KLHL6: variants seen among roughly 807,000 people sequenced by gnomAD.
The protein encoded by KLHL6 is kelch like family member 6, also known as kelch-like protein 6.
KLHL6 carries 41 observed loss-of-function variants against 58.6 expected under a neutral mutation model. That is an observed-to-expected ratio of 0.70 (90% CI 0.55 to 0.91). The LOEUF is 0.91. Ranked by LOEUF, KLHL6 falls within the 40% of genes least tolerant of loss-of-function variation. The pLI is 0.00. For missense variants in KLHL6, 714 were observed against 805.6 expected (o/e 0.89, Z 1.38); for synonymous variants, 338 against 322.7 (o/e 1.05, Z -0.51).
intron 1 of KLHL6, among the ~76,000 whole-genome samples, chr3:183,554,278 A>T (rs1713031017): frequency 6.6e-6 from 1 of 152,172 alleles, no homozygotes; most frequent in Admixed American, 6.5e-5. Flanking sequence ...AGTCATCCTT[A>T]GCTGAATCAA....
chr3:183,551,031 G>A (rs940451918), intron 1 of KLHL6, among the ~76,000 whole-genome samples: 3 of 150,538 alleles, frequency 2.0e-5, no homozygotes, highest in South Asian at 2.1e-4. Context: ...TGAGGCAGGA[G>A]AATGGCATGA....
rs565077509 is a variant in KLHL6 at position 183,492,521 on chromosome 3, T to A, written c.1537A>T (p.Ser513Cys). ...PVEAKCINAV[S>C]FRDRIYVVGG... ...ACGACATAGATGCGGTCCCGGAAAC[T>A]CACTGCATTGATGCATTTAGCCTCC... is the stretch of plus-strand genomic sequence containing the variant. The change falls in exon 6 of 7, where the codon AGT becomes TGT. Residue 513 changes from serine to cysteine, a missense_variant. Physicochemically the swap from Ser to Cys is moderately radical, Grantham distance 112. Coordinates refer to ENST00000341319, the MANE Select transcript of KLHL6 (RefSeq NM_130446.4). The surrounding 1 kb of genome is among the most constrained non-coding windows in gnomAD (Gnocchi z 5.9). The A allele has an allele frequency of 1.9e-6, 3 of 1,614,198 alleles. No individual in the cohort carries two copies. In the African/African-American group the frequency reaches 4.0e-5, roughly 22 times the overall value.
At chr3:183,506,690 T>A (rs1280960090) in intron 3 of KLHL6, among the ~76,000 whole-genome samples, 1 of 151,944 alleles carries the variant, frequency 6.6e-6, no homozygotes, top group Admixed American at 6.6e-5. Flanking sequence ...TAGCCGGGTG[T>A]GGTAGCACAT....
Position 183,499,339 on chromosome 3 carries a change from CTG to C in KLHL6, c.1147+249_1147+250del, listed in dbSNP as rs1451673828. Among the ~76,000 whole-genome samples the C allele has an allele frequency of 3.0e-5, 4 of 133,504 alleles. No individual in the cohort carries two copies. In the Admixed American group the frequency reaches 3.0e-4, roughly 10 times the overall value. 87.6% of individuals were successfully genotyped at this position (133,504 alleles called of 152,430 possible). A position where few individuals can be genotyped will look rare whatever the true frequency, so the allele number is the denominator to read the frequency against. ...CCAGCCTGAGCAACAGAGCGAGACGCTGTCTCAAAAAAAAAAGAAAAGAAAAG... is the reference window on the plus strand; with the variant it reads ...CCAGCCTGAGCAACAGAGCGAGACGCTCTCAAAAAAAAAAGAAAAGAAAAG... On this transcript the variant is annotated intron_variant, in intron 4 of 6. Coordinates refer to ENST00000341319, the MANE Select transcript of KLHL6 (RefSeq NM_130446.4). The surrounding 1 kb of genome is among the most constrained non-coding windows in gnomAD (Gnocchi z 4.6).
chr3:183,510,286 G>T (rs1379737363), intron 2 of KLHL6, among the ~76,000 whole-genome samples: 1 of 147,088 alleles, frequency 6.8e-6, no homozygotes, highest in African/African-American at 2.5e-5. Context: ...GAAAGGGGAG[G>T]CTGAGGGGGC....
intron 2 of KLHL6, chr3:183,523,257 A>G (rs1183997147): frequency 1.3e-5 from 2 of 152,312 alleles, no homozygotes; most frequent in African/African-American, 4.8e-5. Context: ...GAGCCAACCC[A>G]GGCCATCAAG....
At chr3:183,512,313 A>T (rs1262826066) in intron 2 of KLHL6, among the ~76,000 whole-genome samples, 3 of 152,230 alleles carry the variant, frequency 2.0e-5, no homozygotes, top group African/African-American at 7.2e-5. Context: ...CTGGGAGGCC[A>T]CATAAGACCT....
At chr3:183,545,280 G>C (rs147040413) in intron 1 of KLHL6, among the ~76,000 whole-genome samples, 1 of 152,190 alleles carries the variant, frequency 6.6e-6, no homozygotes, top group African/African-American at 2.4e-5. Flanking sequence ...TGGATGTTGC[G>C]CTCATGGCAG....
chr3:183,550,570 G>A (rs1051299246), intron 1 of KLHL6, among the ~76,000 whole-genome samples: 1 of 152,084 alleles, frequency 6.6e-6, no homozygotes, highest in Non-Finnish European at 1.5e-5. Flanking sequence ...GGAGGTGGGT[G>A]GATCACCTGA....
intron 2 of KLHL6, among the ~76,000 whole-genome samples, chr3:183,518,927 G>A (rs947267638): frequency 2.6e-5 from 4 of 152,150 alleles, no homozygotes; most frequent in African/African-American, 9.7e-5. Flanking sequence ...GCAGGGGTGG[G>A]TTCCCGAGAT....
At chr3:183,525,597 T>C (rs1425334431) in intron 2 of KLHL6, among the ~76,000 whole-genome samples, 1 of 152,212 alleles carries the variant, frequency 6.6e-6, no homozygotes, top group African/African-American at 2.4e-5. Flanking sequence ...CACAGCCACA[T>C]AGCAAATAAG....
rs1374906252 is a variant in KLHL6, at chr3:183,492,412, A to G, written c.1564+82T>C. On this transcript the variant is annotated intron_variant, in intron 6 of 6. Transcript: ENST00000341319. This position sits in a 1 kb window ranked among gnomAD's most constrained non-coding sequence, Gnocchi z 5.9. ...GCAGTGAGTTGCCAGCGCTGGAGAC[A>G]CCGCGACACACCGTTTACGTGCTGC... 6.7e-7 allele frequency: 1 copy of G among 1,485,270 alleles called. No individual in the cohort carries two copies. The highest frequency in any genetic ancestry group is 9.3e-7 in the Non-Finnish European group (1 of 1,077,522). 92.0% of individuals were successfully genotyped at this position (1,485,270 alleles called of 1,614,324 possible). A position where few individuals can be genotyped will look rare whatever the true frequency, so the allele number is the denominator to read the frequency against.
At chr3:183,507,882 G>A (rs1248103172) in intron 3 of KLHL6, among the ~76,000 whole-genome samples, 177 bp downstream of exon 3, 1 of 152,104 alleles carries the variant, frequency 6.6e-6, no homozygotes, top group African/African-American at 2.4e-5. Context: ...ACGTGGGATC[G>A]GCCTCATAGA....
At chr3:183,530,830 ATTT>A (rs35902105) in intron 1 of KLHL6, among the ~76,000 whole-genome samples, 5,323 of 123,906 alleles carry the variant, frequency 0.043, 304 homozygotes, top group African/African-American at 0.14. Flanking sequence ...GTGAACATGC[ATTT>A]TTTTTTTTTT....
rs527429272 is a variant in KLHL6, at chr3:183,512,970, A to G, written c.460-4462T>C. ...TGTGTGTAAGAAATACCTACCTAAA[A>G]TAGACCAACTTTCTCATTTATAGAG... On this transcript the variant is annotated intron_variant, in intron 2 of 6. Transcript: ENST00000341319. Among the ~76,000 whole-genome samples, 9 of 152,284 alleles carry G rather than the reference A, an allele frequency of 5.9e-5. No homozygotes were observed. The South Asian group carries it at 1.7e-3, about 28-fold the overall frequency.
At chr3:183,500,248 C>A (rs536425858) in intron 3 of KLHL6, among the ~76,000 whole-genome samples, 1 of 152,284 alleles carries the variant, frequency 6.6e-6, no homozygotes, top group South Asian at 2.1e-4. Context: ...TTGATGATAC[C>A]TCAGACTTTG....
intron 1 of KLHL6, among the ~76,000 whole-genome samples, chr3:183,542,202 G>C (rs528261804): frequency 7.8e-4 from 119 of 152,114 alleles, no homozygotes; most frequent in Non-Finnish European, 1.3e-3. Context: ...CTAGATTGAT[G>C]GGACCCTCCA....
At position 183,555,392 on chromosome 3, in the gene KLHL6, C is replaced by A; in HGVS notation, c.262G>T (p.Val88Leu). 6.2e-7 allele frequency: 1 copy of A among 1,614,150 alleles called. No individual in the cohort carries two copies. Among genetic ancestry groups the A allele is most frequent in the African/African-American group, 1.3e-5 (1 of 75,038 alleles). ...VDIQEFSCHR[V>L]VLAAASNYFR... ...TAGTTGCTGGCTGCGGCAAGCACCA[C>A]GCGGTGGCAGGAGAATTCCTGAATG... The change falls in exon 1 of 7, where the codon GTG (valine) becomes TTG (leucine). Residue 88 changes from valine to leucine, a missense_variant. Physicochemically the swap from Val to Leu is conservative, Grantham distance 32. This residue lies in a region of KLHL6 where 204 missense variants were observed against 175.9 expected (regional missense o/e 1.16). Coordinates refer to ENST00000341319, the MANE Select transcript of KLHL6 (RefSeq NM_130446.4).
rs1288357029 is a variant in KLHL6 at position 183,490,166 on chromosome 3, T to C, written c.*1761A>G. 1 of 152,156 alleles carries C rather than the reference T, an allele frequency of 6.6e-6. No homozygotes were observed. The highest frequency in any genetic ancestry group is 1.9e-4 in the East Asian group (1 of 5,186). 9.4% of individuals were successfully genotyped at this position (152,156 alleles called of 1,614,324 possible). A position where few individuals can be genotyped will look rare whatever the true frequency, so the allele number is the denominator to read the frequency against. On this transcript the variant is annotated 3_prime_UTR_variant, in exon 7 of 7. Coordinates refer to ENST00000341319, the MANE Select transcript of KLHL6 (RefSeq NM_130446.4). ...ACAGTGAAGGACAGATTCTGTTCTTTAAGTCACAATTGAGCTACACTGATC... is the reference window on the plus strand; with the variant it reads ...ACAGTGAAGGACAGATTCTGTTCTTCAAGTCACAATTGAGCTACACTGATC...
Sources: allele counts gnomAD v4.1 joint callset (sites outside exome capture counted in the v4.1 genomes callset), GRCh38; gene constraint gnomAD v4.1.1; regional missense constraint gnomAD v4.1.1; non-coding constraint Gnocchi (gnomAD v3.1); transcripts MANE v1.5; gene names NCBI Gene and HGNC (gene_info 2026-07-23, HGNC 2026-07-21).